The following FAM120C variants were observed in gnomAD, a reference collection of about 807,000 sequenced individuals.
FAM120C encodes constitutive coactivator of PPAR-gamma-like protein 2.
A neutral mutation model predicts 71.2 loss-of-function variants in FAM120C; 14 were observed. That is an observed-to-expected ratio of 0.20 (90% CI 0.13 to 0.31). The LOEUF (loss-of-function observed/expected upper bound fraction) is 0.31. Among genes scored for constraint, FAM120C ranks in the 10% least tolerant of loss-of-function variants. The probability of loss-of-function intolerance (pLI) is 1.00; values close to 1 mark genes in which losing one functional copy is unlikely to be tolerated. For synonymous variants in FAM120C, 354 were observed against 353.2 expected, an observed-to-expected ratio of 1.00 and a Z score of -0.03; for missense variants, 500 against 879.0, an observed-to-expected ratio of 0.57 and a Z score of 5.45.
chrX:54,106,552 G>A (rs1436836963), intron 10 of FAM120C, among the ~76,000 whole-genome samples: 4 of 111,909 alleles, frequency 3.6e-5, no homozygotes, highest in Non-Finnish European at 7.5e-5. Context: ...AGCCAAAATA[G>A]ACAAATGGGA....
At chrX:54,099,968 G>T (rs995908193) in intron 10 of FAM120C, among the ~76,000 whole-genome samples, 1 of 111,873 alleles carries the variant, frequency 8.9e-6, no homozygotes, top group Non-Finnish European at 1.9e-5. Context: ...GCTTATAACA[G>T]AATGCCTGAC....
intron 1 of FAM120C, among the ~76,000 whole-genome samples, chrX:54,178,531 C>T (rs1451940664): frequency 3.6e-5 from 4 of 111,959 alleles, no homozygotes; most frequent in Non-Finnish European, 7.5e-5. Flanking sequence ...TATTTTACCT[C>T]TTGGTTACCT....
chrX:54,157,997 A>G (rs1174856876), intron 2 of FAM120C, among the ~76,000 whole-genome samples: 1 of 112,088 alleles, frequency 8.9e-6, no homozygotes, highest in Non-Finnish European at 1.9e-5. Context: ...TTACATTTAC[A>G]GATAAAGAAA....
At chrX:54,074,896 A>G (rs1305792885) in intron 15 of FAM120C, among the ~76,000 whole-genome samples, 1 of 112,019 alleles carries the variant, frequency 8.9e-6, no homozygotes. Flanking sequence ...CCTTTTACAG[A>G]TAAGAAAACT....
intron 1 of FAM120C, among the ~76,000 whole-genome samples, chrX:54,167,201 A>C (rs1401408938): frequency 8.9e-6 from 1 of 111,966 alleles, no homozygotes; most frequent in Non-Finnish European, 1.9e-5. Context: ...AGCAAAATAC[A>C]ATCTGCATTC....
intron 15 of FAM120C, among the ~76,000 whole-genome samples, chrX:54,076,470 CT>C (rs2066736684): frequency 9.0e-6 from 1 of 111,204 alleles, no homozygotes; most frequent in Admixed American, 9.6e-5. Flanking sequence ...TCATACTCTT[CT>C]TTTTCTGTCC....
chrX:54,083,433 C>CCACACACACACACACACACACA (rs781964795), intron 13 of FAM120C, among the ~76,000 whole-genome samples: 32 of 78,935 alleles, frequency 4.1e-4, no homozygotes, highest in African/African-American at 1.2e-3. Flanking sequence ...GACCCCATCT[C>CCACACACACACACACACACACA]CACACACACA....
intron 3 of FAM120C, among the ~76,000 whole-genome samples, chrX:54,153,595 A>G (rs1246976819): frequency 9.8e-6 from 1 of 102,411 alleles, no homozygotes; most frequent in Non-Finnish European, 2.0e-5. Flanking sequence ...TTTGAGACAC[A>G]GTCTTGCTGT....
At chrX:54,127,166 C>T (rs1936290966) in intron 9 of FAM120C, among the ~76,000 whole-genome samples, 1 of 111,400 alleles carries the variant, frequency 9.0e-6, no homozygotes, top group African/African-American at 3.3e-5. Flanking sequence ...GGCCCCATCT[C>T]TTAATACCAT....
chrX:54,133,068 A>G lies in FAM120C; in HGVS notation c.1891-205T>C, dbSNP rs57913084. Among the ~76,000 whole-genome samples the G allele has an allele frequency of 8.7e-3, 981 of 112,395 alleles. 14 individuals carry two copies. Among genetic ancestry groups the G allele is most frequent in the African/African-American group, 0.03 (929 of 31,012 alleles). ...GCTATATTTCATTTTTAAAGTCTCA[A>G]CGGCTGGGCATGGTGGCTCATGCCT... is the stretch of plus-strand genomic sequence containing the variant. On this transcript the variant is annotated intron_variant, in intron 8 of 15. Coordinates refer to ENST00000375180, the MANE Select transcript of FAM120C (RefSeq NM_017848.6).
At position 54,072,159 on chromosome X, in the gene FAM120C, T is replaced by TCACACACACACACACACACA. The variant is rs60802365; in HGVS notation, c.*854_*873dup. On this transcript the variant is annotated 3_prime_UTR_variant, in exon 16 of 16. Transcript: ENST00000375180. ...CCCACACCCACACACAAGCACACATTCACACACACACACACACACACACAC... is the reference window on the plus strand; with the variant it reads ...CCCACACCCACACACAAGCACACATTCACACACACACACACACACACACACACACACACACACACACACAC... The TCACACACACACACACACACA allele has an allele frequency of 1.4e-5, 1 of 71,345 alleles. No homozygotes were observed. 5.9% of individuals were successfully genotyped at this position (71,345 alleles called of 1,213,427 possible). A position where few individuals can be genotyped will look rare whatever the true frequency, so the allele number is the denominator to read the frequency against.
rs782171345 is a variant in FAM120C, at chrX:54,132,712, C to T, written c.2042G>A (p.Arg681Gln). Residue 681 changes from arginine (R) to glutamine (Q), a missense_variant, in exon 9 of 16, where the codon CGA becomes CAA. By Grantham distance (43) the Arg-to-Gln change is conservative. This residue lies in a region of FAM120C where 104 missense variants were observed against 254.5 expected (regional missense o/e 0.41). Transcript: ENST00000375180. ...TQRKMERLAM[R>Q]RRLPVEVPSV... is the part of the protein sequence containing the mutation. ...CTTACCTTCCACAGGCAGCCGCCGTCGCATGGCCAAGCGTTCCATTTTCCT... is the reference window on the plus strand; with the variant it reads ...CTTACCTTCCACAGGCAGCCGCCGTTGCATGGCCAAGCGTTCCATTTTCCT... The T allele has an allele frequency of 9.1e-6, 11 of 1,203,807 alleles. No individual in the cohort carries two copies. In the East Asian group the frequency reaches 2.7e-4, roughly 29 times the overall value.
intron 1 of FAM120C, among the ~76,000 whole-genome samples, chrX:54,181,513 T>C (rs1476474647): frequency 8.9e-6 from 1 of 111,865 alleles, no homozygotes; most frequent in African/African-American, 3.3e-5. Flanking sequence ...CCAGGCCCCA[T>C]ATGCAGTGAC....
intron 10 of FAM120C, among the ~76,000 whole-genome samples, chrX:54,097,338 A>C (rs782159761): frequency 8.9e-6 from 1 of 112,008 alleles, no homozygotes; most frequent in Non-Finnish European, 1.9e-5. Flanking sequence ...ATACCTTTAC[A>C]GTAAGATAGC....
At chrX:54,094,083 C>CAT (rs2066837164) in intron 10 of FAM120C, among the ~76,000 whole-genome samples, 1 of 61,443 alleles carries the variant, frequency 1.6e-5, no homozygotes. Context: ...TCCACGACTC[C>CAT]TTTTTTTTTT....
chrX:54,140,345 G>A (rs1399032198), intron 4 of FAM120C, among the ~76,000 whole-genome samples: 13 of 107,674 alleles, frequency 1.2e-4, no homozygotes, highest in African/African-American at 3.7e-4. Flanking sequence ...ATAGCTGGGC[G>A]CGGTGGCTCA....
At chrX:54,134,447 T>G (rs2067084108) in intron 7 of FAM120C, among the ~76,000 whole-genome samples, 1 of 112,282 alleles carries the variant, frequency 8.9e-6, no homozygotes, top group Admixed American at 9.5e-5. Flanking sequence ...AACCCTGTCT[T>G]AGTTACTAAG....
chrX:54,147,180 G>C (rs1459134023), intron 4 of FAM120C, among the ~76,000 whole-genome samples: 1 of 110,557 alleles, frequency 9.0e-6, no homozygotes, highest in Non-Finnish European at 1.9e-5. Context: ...AGCCAGGTGT[G>C]GGGGCGCGTG....
At chrX:54,133,724 G>A in intron 8 of FAM120C, 49 bp downstream of exon 8, 1 of 1,155,799 alleles carries the variant, frequency 8.7e-7, no homozygotes, top group Non-Finnish European at 1.2e-6. Context: ...TAGGAAGTAG[G>A]AAGTACAGTG....
Sources: allele counts gnomAD v4.1 joint callset (sites outside exome capture counted in the v4.1 genomes callset), GRCh38; gene constraint gnomAD v4.1.1; regional missense constraint gnomAD v4.1.1; transcripts MANE v1.5; gene names NCBI Gene and HGNC (gene_info 2026-07-23, HGNC 2026-07-21).